The following TEX11 variants were observed in gnomAD, a reference collection of about 807,000 sequenced individuals.
TEX11 encodes testis-expressed protein 11.
Under a neutral mutation model 84.4 loss-of-function variants are expected in TEX11, and 7 were observed. That is an observed-to-expected ratio of 0.08 (90% CI 0.05 to 0.16). The LOEUF is 0.16. Among genes scored for constraint, TEX11 ranks in the 10% least tolerant of loss-of-function variants. The probability of loss-of-function intolerance (pLI) is 1.00; values close to 1 mark genes in which losing one functional copy is unlikely to be tolerated. For missense variants in TEX11, 551 were observed against 660.5 expected, an observed-to-expected ratio of 0.83 and a Z score of 1.82; for synonymous variants, 264 against 222.8, an observed-to-expected ratio of 1.18 and a Z score of -1.64.
intron 16 of TEX11, among the ~76,000 whole-genome samples, chrX:70,661,225 T>G (rs1224107027): frequency 8.9e-6 from 1 of 112,361 alleles, no homozygotes; most frequent in Non-Finnish European, 1.9e-5. Flanking sequence ...ACCAGGAGAC[T>G]GTATCCCACG....
intron 9 of TEX11, among the ~76,000 whole-genome samples, chrX:70,806,378 C>A (rs2091219542): frequency 9.1e-6 from 1 of 109,650 alleles, no homozygotes; most frequent in African/African-American, 3.3e-5. Context: ...ATCGCTTGAG[C>A]CCAGAAGGCA....
intron 13 of TEX11, among the ~76,000 whole-genome samples, chrX:70,717,481 G>T (rs112700043): frequency 9.0e-6 from 1 of 110,804 alleles, no homozygotes; most frequent in Admixed American, 9.6e-5. Flanking sequence ...ACCACAGCCC[G>T]CTCATTTTTG....
At chrX:70,897,206 A>ATATAACATATATTTTTATATATATGT (rs2091772944) in intron 2 of TEX11, among the ~76,000 whole-genome samples, 1 of 64,950 alleles carries the variant, frequency 1.5e-5, no homozygotes, top group Non-Finnish European at 3.4e-5. Context: ...TATATATTAT[A>ATATAACATATATTTTTATATATATGT]TATATATAAC....
chrX:70,818,624 G>A (rs1027902645), intron 8 of TEX11, among the ~76,000 whole-genome samples: 1 of 110,715 alleles, frequency 9.0e-6, no homozygotes, highest in Non-Finnish European at 1.9e-5. Context: ...TGCACCTGGA[G>A]CCTGTGATAC....
chrX:70,869,017 A>G (rs2091614275), intron 4 of TEX11, among the ~76,000 whole-genome samples: 1 of 98,628 alleles, frequency 1.0e-5, no homozygotes, highest in African/African-American at 4.4e-5. Context: ...TGTTCTGCAC[A>G]CATATCCCAG....
At chrX:70,645,616 G>T (rs1344949051) in intron 17 of TEX11, among the ~76,000 whole-genome samples, 1 of 111,414 alleles carries the variant, frequency 9.0e-6, no homozygotes, top group Non-Finnish European at 1.9e-5. Context: ...TATACACAAA[G>T]TAGTAGCATT....
intron 28 of TEX11, among the ~76,000 whole-genome samples, chrX:70,551,500 A>C (rs1053076684): frequency 9.0e-6 from 1 of 111,357 alleles, no homozygotes; most frequent in Admixed American, 9.6e-5. Context: ...CATGTACCCC[A>C]TAAGTATGGG....
intron 9 of TEX11, among the ~76,000 whole-genome samples, chrX:70,747,281 G>A (rs1325561421): frequency 8.9e-6 from 1 of 112,105 alleles, no homozygotes; most frequent in African/African-American, 3.2e-5. Context: ...AGTGAACTAT[G>A]TGGATGCAGG....
intron 24 of TEX11, among the ~76,000 whole-genome samples, chrX:70,596,281 C>G (rs763566885): frequency 8.3e-4 from 93 of 111,572 alleles, no homozygotes; most frequent in African/African-American, 2.8e-3. Flanking sequence ...CACTATCAAC[C>G]TACTAGACCT....
chrX:70,784,322 C>A (rs918933864), intron 9 of TEX11, among the ~76,000 whole-genome samples: 1 of 111,263 alleles, frequency 9.0e-6, no homozygotes, highest in Admixed American at 9.6e-5. Flanking sequence ...ATTGATGGAA[C>A]GTATCTCAAA....
intron 11 of TEX11, among the ~76,000 whole-genome samples, chrX:70,726,729 C>T (rs2147724990): frequency 9.1e-6 from 1 of 110,272 alleles, no homozygotes; most frequent in South Asian, 4.0e-4. Context: ...CGAGGTTTCA[C>T]CATGTTGGCC....
At position 70,783,803 on chromosome X, in the gene TEX11, A is replaced by C. The variant is rs892322097; in HGVS notation, c.692+22902T>G. Among the ~76,000 whole-genome samples the C allele has an allele frequency of 2.3e-4, 26 of 111,770 alleles. 1 individual carries two copies. The highest frequency in any genetic ancestry group is 7.5e-4 in the African/African-American group (23 of 30,729). ...AGAAGTTGAATCTCCGAATAGGTGA[A>C]TAACAGGTTCTGAAATTGAGGCAAT... On this transcript the variant is annotated intron_variant, in intron 9 of 29. Coordinates refer to ENST00000374333, the MANE Select transcript of TEX11 (RefSeq NM_031276.3).
chrX:70,675,775 G>A (rs1445686400), intron 15 of TEX11, among the ~76,000 whole-genome samples: 8 of 110,971 alleles, frequency 7.2e-5, no homozygotes, highest in Admixed American at 4.8e-4. Flanking sequence ...AACTACATGC[G>A]TGCACCACCA....
intron 8 of TEX11, among the ~76,000 whole-genome samples, chrX:70,811,281 T>C (rs1467307620): frequency 1.8e-5 from 2 of 108,392 alleles, no homozygotes; most frequent in Non-Finnish European, 3.8e-5. Context: ...CAGTGTTTGG[T>C]TTTTTGTCTT....
At chrX:70,708,437 C>T (rs1400250544) in intron 13 of TEX11, among the ~76,000 whole-genome samples, 3 of 111,305 alleles carry the variant, frequency 2.7e-5, no homozygotes, top group South Asian at 7.6e-4. Flanking sequence ...CCCAGCAATC[C>T]CATTACTGGG....
intron 13 of TEX11, among the ~76,000 whole-genome samples, chrX:70,700,622 A>G (rs2090318283): frequency 9.0e-6 from 1 of 110,899 alleles, no homozygotes; most frequent in Non-Finnish European, 1.9e-5. Context: ...ATAACCCTAC[A>G]ATGGCCTCTA....
intron 8 of TEX11, among the ~76,000 whole-genome samples, chrX:70,831,351 G>T (rs2091375590): frequency 9.0e-6 from 1 of 111,579 alleles, no homozygotes; most frequent in African/African-American, 3.3e-5. Flanking sequence ...AAGTGTCCAA[G>T]CACAGTGGCT....
intron 28 of TEX11, among the ~76,000 whole-genome samples, chrX:70,542,879 G>T (rs1004721801): frequency 3.6e-5 from 4 of 112,609 alleles, no homozygotes; most frequent in Non-Finnish European, 3.8e-5. Context: ...AGCCAAGAGG[G>T]TTATTAAATT....
intron 24 of TEX11, among the ~76,000 whole-genome samples, chrX:70,593,056 AACACACACACACACACACAC>A (rs56116828): frequency 1.0e-5 from 1 of 95,976 alleles, no homozygotes; most frequent in African/African-American, 3.8e-5. Flanking sequence ...AGAGCATTTT[AACACACACACACACACACAC>A]ACACACACAC....
Sources: allele counts gnomAD v4.1 joint callset (sites outside exome capture counted in the v4.1 genomes callset), GRCh38; gene constraint gnomAD v4.1.1; transcripts MANE v1.5; gene names NCBI Gene and HGNC (gene_info 2026-07-23, HGNC 2026-07-21).